The following ST3GAL2 variants were observed in gnomAD, a reference collection of about 807,000 sequenced individuals.
ST3GAL2 encodes ST3 beta-galactoside alpha-2,3-sialyltransferase 2.
A neutral mutation model predicts 37.5 loss-of-function variants in ST3GAL2; 16 were observed. That is an observed-to-expected ratio of 0.43 (90% CI 0.29 to 0.65). The LOEUF (loss-of-function observed/expected upper bound fraction) is 0.65. Ranked by LOEUF, ST3GAL2 falls within the 30% of genes least tolerant of loss-of-function variation. ST3GAL2 has a pLI of 0.17. For synonymous variants in ST3GAL2, 238 were observed against 202.9 expected (o/e 1.17, Z -1.47); for missense variants, 383 against 487.8 (o/e 0.79, Z 2.02).
chr16:70,386,873 T>C (rs1448060263), intron 4 of ST3GAL2, among the ~76,000 whole-genome samples: 2 of 151,254 alleles, frequency 1.3e-5, no homozygotes, highest in Non-Finnish European at 2.9e-5. Context: ...CTCTAACTCC[T>C]GACCTTGTGA....
intron 1 of ST3GAL2, among the ~76,000 whole-genome samples, chr16:70,407,393 G>A (rs1223846290): frequency 2.0e-5 from 3 of 152,094 alleles, no homozygotes; most frequent in South Asian, 2.1e-4. Context: ...CGCCTGCCTC[G>A]GCCTCCCCAG....
chr16:70,396,726 T>G (rs1212307538), intron 2 of ST3GAL2, among the ~76,000 whole-genome samples: 1 of 152,192 alleles, frequency 6.6e-6, no homozygotes, highest in African/African-American at 2.4e-5. Flanking sequence ...CCTGATCACA[T>G]GAGCTCATCC....
rs373567979 is a variant in ST3GAL2 at position 70,398,761 on chromosome 16, G to C, written c.-231C>G. 4 of 591,034 alleles carry C rather than the reference G, an allele frequency of 6.8e-6. No homozygotes were observed. The African/African-American group carries it at 7.4e-5, about 11-fold the overall frequency. The allele number at this position is 591,034 out of a possible 1,614,324, so 36.6% of individuals were successfully genotyped here. A position where few individuals can be genotyped will look rare whatever the true frequency, so the allele number is the denominator to read the frequency against. On this transcript the variant is annotated 5_prime_UTR_variant, in exon 2 of 7. Coordinates refer to ENST00000342907, the MANE Select transcript of ST3GAL2 (RefSeq NM_006927.4). ...CTGAGTCAGGCGGGGCCCCTGCTTAGGGCTTCATCGGGTCTCTCCGTCACT... is the reference window on the plus strand; with the variant it reads ...CTGAGTCAGGCGGGGCCCCTGCTTACGGCTTCATCGGGTCTCTCCGTCACT...
chr16:70,383,838 G>A (rs966006107), intron 4 of ST3GAL2, among the ~76,000 whole-genome samples: 7 of 151,086 alleles, frequency 4.6e-5, no homozygotes, highest in Non-Finnish European at 8.8e-5. Flanking sequence ...GGTCCCCATG[G>A]CATCCAAGAT....
chr16:70,379,966 A>G lies in ST3GAL2; in HGVS notation c.*1723T>C, dbSNP rs1490979844. 6.6e-6 allele frequency: 1 copy of G among 152,106 alleles called. No individual in the cohort carries two copies. Among genetic ancestry groups the G allele is most frequent in the Non-Finnish European group, 1.5e-5 (1 of 68,028 alleles). The allele number at this position is 152,106 out of a possible 1,614,324, so 9.4% of individuals were successfully genotyped here. On this transcript the variant is annotated 3_prime_UTR_variant, in exon 7 of 7. Transcript: ENST00000342907. ...ATTCATGATTTAAAGCAAAAGAAAAAAAAGAAATAAATTATTCTGCTCAAT... is the reference window on the plus strand; with the variant it reads ...ATTCATGATTTAAAGCAAAAGAAAAGAAAGAAATAAATTATTCTGCTCAAT...
At chr16:70,415,198 G>A (rs1303351351) in intron 1 of ST3GAL2, among the ~76,000 whole-genome samples, 1 of 152,070 alleles carries the variant, frequency 6.6e-6, no homozygotes, top group Non-Finnish European at 1.5e-5. Context: ...TAGCAGAGAT[G>A]GGCTTTCGCC....
intron 1 of ST3GAL2, among the ~76,000 whole-genome samples, chr16:70,403,812 A>G (rs2047571715): frequency 1.3e-5 from 2 of 152,132 alleles, no homozygotes; most frequent in South Asian, 4.1e-4. Flanking sequence ...CACTGTCTCA[A>G]GCAAACAAAC....
chr16:70,421,843 A>T (rs2047716814), intron 1 of ST3GAL2, among the ~76,000 whole-genome samples: 1 of 131,002 alleles, frequency 7.6e-6, no homozygotes, highest in African/African-American at 4.6e-5. Context: ...TCGCTTTCAG[A>T]GTCCAAAGCC....
At chr16:70,381,899 G>C (rs376508858) in intron 6 of ST3GAL2, 37 bp from the exon 7 acceptor site, 8 of 1,607,202 alleles carry the variant, frequency 5.0e-6, no homozygotes, top group Admixed American at 1.7e-5. Context: ...CCCCAGGCGG[G>C]GACCTGGAGG....
chr16:70,383,891 C>A (rs988253608), intron 4 of ST3GAL2, among the ~76,000 whole-genome samples: 1 of 151,640 alleles, frequency 6.6e-6, no homozygotes, highest in African/African-American at 2.4e-5. Context: ...CTTCCCTAGA[C>A]CAGCCCCAAC....
intron 3 of ST3GAL2, among the ~76,000 whole-genome samples, chr16:70,389,761 G>A (rs1016443617): frequency 1.3e-5 from 2 of 151,442 alleles, no homozygotes; most frequent in African/African-American, 2.4e-5. Flanking sequence ...ACCGAGCCCA[G>A]CCATTTTGTT....
chr16:70,419,291 G>A (rs1485263584), intron 1 of ST3GAL2, among the ~76,000 whole-genome samples: 2 of 152,244 alleles, frequency 1.3e-5, no homozygotes, highest in Non-Finnish European at 2.9e-5. Context: ...GCGGCCCAGA[G>A]TTGAAGGACT....
chr16:70,418,475 G>C (rs575446618), intron 1 of ST3GAL2, among the ~76,000 whole-genome samples: 3 of 152,142 alleles, frequency 2.0e-5, no homozygotes, highest in Non-Finnish European at 4.4e-5. Context: ...GTAAGGAGGC[G>C]GAGCTGGTGA....
rs998322926 is a variant in ST3GAL2, at chr16:70,412,951, C to T, written c.-1003-13418G>A. 1.3e-5 allele frequency among the ~76,000 whole-genome samples: 2 copies of T among 151,440 alleles called. 1 individual carries two copies. The highest frequency in any genetic ancestry group is 3.9e-4 in the East Asian group (2 of 5,160). On this transcript the variant is annotated intron_variant, in intron 1 of 6. Transcript: ENST00000342907. ...GTCCCAGAAAGTCAAGACGCTAAGG[C>T]GAAAGGTTGGCTTGAGGCTGGGCAC... is the stretch of plus-strand genomic sequence containing the variant.
chr16:70,397,188 G>A (rs1014033469), intron 2 of ST3GAL2, among the ~76,000 whole-genome samples: 6 of 151,176 alleles, frequency 4.0e-5, no homozygotes, highest in African/African-American at 9.7e-5. Context: ...TTACAGGCAC[G>A]CACCACCATG....
intron 4 of ST3GAL2, among the ~76,000 whole-genome samples, chr16:70,385,244 C>G (rs1448113480): frequency 6.6e-6 from 1 of 151,998 alleles, no homozygotes; most frequent in Non-Finnish European, 1.5e-5. Context: ...TGCAGTGAGC[C>G]GAGAAGGCGC....
intron 1 of ST3GAL2, among the ~76,000 whole-genome samples, chr16:70,431,504 A>G (rs528654508): frequency 1.3e-5 from 2 of 152,318 alleles, no homozygotes; most frequent in South Asian, 4.1e-4. Flanking sequence ...ATAGCATCAG[A>G]AAGAAGAAGC....
At chr16:70,389,140 G>A (rs1292741566) in intron 3 of ST3GAL2, among the ~76,000 whole-genome samples, 2 of 128,602 alleles carry the variant, frequency 1.6e-5, no homozygotes, top group African/African-American at 3.1e-5. Flanking sequence ...AGCACTTTGG[G>A]AGGCCGAGGT....
At chr16:70,429,724 C>G (rs1226393562) in intron 1 of ST3GAL2, among the ~76,000 whole-genome samples, 1 of 149,278 alleles carries the variant, frequency 6.7e-6, no homozygotes, top group Non-Finnish European at 1.5e-5. Context: ...TCACTGTAAC[C>G]TCCACCTCCC....
Sources: gnomAD v4.1 joint callset for allele counts (sites outside exome capture counted in the v4.1 genomes callset) on GRCh38, gnomAD v4.1.1 for gene constraint, MANE v1.5 for transcripts, NCBI Gene and HGNC (gene_info 2026-07-23, HGNC 2026-07-21) for gene names.